The following EPHA6 variants were observed in gnomAD, a reference collection of about 807,000 sequenced individuals.
EPHA6 encodes ephrin type-A receptor 6.
A neutral mutation model predicts 112.0 loss-of-function variants in EPHA6; 50 were observed. The ratio of observed to expected loss-of-function variants is 0.45; its 90% confidence interval spans 0.36 to 0.56. The LOEUF (loss-of-function observed/expected upper bound fraction) is 0.56. EPHA6 is among the 20% of genes least tolerant of loss of function. The pLI is 0.00. For synonymous variants in EPHA6, 529 were observed against 490.7 expected (o/e 1.08, Z -1.03); for missense variants, 1,280 against 1,417.4 (o/e 0.90, Z 1.56).
intron 14 of EPHA6, among the ~76,000 whole-genome samples, chr3:97,689,536 C>T (rs2032506584): frequency 2.6e-5 from 4 of 152,178 alleles, no homozygotes; most frequent in South Asian, 4.1e-4. Flanking sequence ...CTTCCTAGCT[C>T]CCACTCCCTG....
Position 97,600,362 on chromosome 3 carries a change from C to A in EPHA6, c.2512+7625C>A, listed in dbSNP as rs868045050. Among the ~76,000 whole-genome samples, 541 of 150,452 alleles carry A rather than the reference C, an allele frequency of 3.6e-3. 3 individuals are homozygous for A. The highest frequency in any genetic ancestry group is 0.013 in the African/African-American group (521 of 40,798). ...CTTGTGCCTGTTTTCAAAGGGAATG[C>A]TTCCAGTTTTTGCCCATTCAGTATG... On this transcript the variant is annotated intron_variant, in intron 12 of 17. Transcript: ENST00000389672.
At chr3:97,598,231 T>C (rs2093610717) in intron 12 of EPHA6, among the ~76,000 whole-genome samples, 1 of 151,786 alleles carries the variant, frequency 6.6e-6, no homozygotes, top group South Asian at 2.1e-4. Context: ...AAACAAGAGA[T>C]GATTAAATCC....
rs77295472 is a variant in EPHA6 at position 97,038,148 on chromosome 3, G to T, written c.1114+50155G>T. On this transcript the variant is annotated intron_variant, in intron 3 of 17. Transcript: ENST00000389672. ...CTTCATGTTAAATATTTATCTTTTCGTTATGCTAGGAACATTCAAATTATT... is the reference window on the plus strand; with the variant it reads ...CTTCATGTTAAATATTTATCTTTTCTTTATGCTAGGAACATTCAAATTATT... Among the ~76,000 whole-genome samples the T allele has an allele frequency of 3.2e-3, 487 of 151,910 alleles. 2 individuals are homozygous for T. Among genetic ancestry groups the T allele is most frequent in the Middle Eastern group, 0.031 (9 of 294 alleles).
chr3:97,066,274 A>G (rs949295435), intron 3 of EPHA6, among the ~76,000 whole-genome samples: 6 of 152,076 alleles, frequency 3.9e-5, no homozygotes, highest in African/African-American at 1.4e-4. Context: ...CTATTTTCCT[A>G]ATAGGATCTC....
chr3:97,180,419 C>T (rs1401300323), intron 3 of EPHA6, among the ~76,000 whole-genome samples: 1 of 152,058 alleles, frequency 6.6e-6, no homozygotes, highest in Non-Finnish European at 1.5e-5. Flanking sequence ...GGCAAAGACC[C>T]CTTTACTTTT....
chr3:97,616,659 G>A (rs1474004379), intron 13 of EPHA6, among the ~76,000 whole-genome samples: 3 of 152,022 alleles, frequency 2.0e-5, no homozygotes, highest in African/African-American at 7.2e-5. Flanking sequence ...TAGCAGAATA[G>A]ACCAAATAGA....
chr3:97,392,875 T>C (rs1171548989), intron 5 of EPHA6, among the ~76,000 whole-genome samples: 2 of 151,648 alleles, frequency 1.3e-5, no homozygotes, highest in African/African-American at 4.8e-5. Context: ...GTTGAGGAAA[T>C]CAGAAATCAG....
At chr3:96,833,693 A>C (rs1286888803) in intron 1 of EPHA6, among the ~76,000 whole-genome samples, 1 of 152,040 alleles carries the variant, frequency 6.6e-6, no homozygotes, top group Non-Finnish European at 1.5e-5. Flanking sequence ...TGAAGCTTGA[A>C]GTGCCTCATT....
intron 14 of EPHA6, among the ~76,000 whole-genome samples, chr3:97,702,826 G>A (rs2033472049): frequency 6.6e-6 from 1 of 152,062 alleles, no homozygotes; most frequent in African/African-American, 2.4e-5. Context: ...CTATTAAAAT[G>A]TCTAGGATGT....
intron 5 of EPHA6, among the ~76,000 whole-genome samples, chr3:97,299,741 A>G (rs1227087081): frequency 6.6e-6 from 1 of 152,176 alleles, no homozygotes; most frequent in Non-Finnish European, 1.5e-5. Flanking sequence ...TATTTCAGGG[A>G]ATTTGTTTTC....
chr3:97,512,799 C>A (rs11916731), intron 10 of EPHA6, among the ~76,000 whole-genome samples: 40,135 of 151,958 alleles, frequency 0.26, 9,656 homozygotes, highest in African/African-American at 0.63. Context: ...TCCTGACTTC[C>A]GGTGATCTGC....
At chr3:96,842,075 T>G (rs991649213) in intron 1 of EPHA6, among the ~76,000 whole-genome samples, 5 of 152,078 alleles carry the variant, frequency 3.3e-5, no homozygotes, top group African/African-American at 1.2e-4. Flanking sequence ...TTCTTCAGAT[T>G]CCCTGGTGAG....
chr3:97,059,869 G>A (rs2045964094), intron 3 of EPHA6, among the ~76,000 whole-genome samples: 1 of 151,958 alleles, frequency 6.6e-6, no homozygotes. Context: ...TGTAATCCCA[G>A]CACTTAGGGA....
At chr3:97,114,237 A>G (rs973072875) in intron 3 of EPHA6, among the ~76,000 whole-genome samples, 1 of 152,090 alleles carries the variant, frequency 6.6e-6, no homozygotes, top group Admixed American at 6.6e-5. Context: ...ACTTCTAATA[A>G]TATTTAAGTT....
At chr3:96,832,722 TTCTAAG>T (rs1380669296) in intron 1 of EPHA6, among the ~76,000 whole-genome samples, 2 of 152,062 alleles carry the variant, frequency 1.3e-5, no homozygotes, top group Admixed American at 6.6e-5. Context: ...ATCAATATAC[TTCTAAG>T]TCTAATATTT....
At chr3:97,120,480 G>T (rs891419152) in intron 3 of EPHA6, among the ~76,000 whole-genome samples, 12 of 151,732 alleles carry the variant, frequency 7.9e-5, no homozygotes, top group Admixed American at 7.9e-4. Flanking sequence ...CCACTTCCCT[G>T]CTAATGTAGA....
chr3:97,290,141 T>C (rs751948381), intron 5 of EPHA6, among the ~76,000 whole-genome samples: 11 of 152,170 alleles, frequency 7.2e-5, no homozygotes, highest in Non-Finnish European at 1.3e-4. Flanking sequence ...CCAGAGATTT[T>C]GGTATGATGG....
intron 10 of EPHA6, among the ~76,000 whole-genome samples, chr3:97,488,002 G>T (rs910799121): frequency 2.0e-5 from 3 of 152,128 alleles, no homozygotes; most frequent in Non-Finnish European, 4.4e-5. Flanking sequence ...GTCATTGAAA[G>T]GTTGTCCCTC....
At chr3:97,142,127 T>C (rs1010254388) in intron 3 of EPHA6, among the ~76,000 whole-genome samples, 4 of 152,030 alleles carry the variant, frequency 2.6e-5, no homozygotes, top group African/African-American at 9.6e-5. Flanking sequence ...ACAGCATTCC[T>C]TTCCGTGATG....
Sources: allele counts gnomAD v4.1 joint callset (sites outside exome capture counted in the v4.1 genomes callset), GRCh38; gene constraint gnomAD v4.1.1; transcripts MANE v1.5; gene names NCBI Gene and HGNC (gene_info 2026-07-23, HGNC 2026-07-21).